The following ANKFN1 variants were observed in gnomAD, a reference collection of about 807,000 sequenced individuals.
The protein encoded by ANKFN1 is ankyrin repeat and fibronectin type-III domain-containing protein 1.
ANKFN1 carries 74 observed loss-of-function variants against 108.7 expected under a neutral mutation model. The ratio of observed to expected loss-of-function variants is 0.68; its 90% CI spans 0.56 to 0.83. The LOEUF (loss-of-function observed/expected upper bound fraction) is 0.83, where lower values mean the gene tolerates loss of function less well. Among genes scored for constraint, ANKFN1 ranks in the 40% least tolerant of loss-of-function variants. The probability of loss-of-function intolerance (pLI) is 0.00; values close to 1 mark genes in which losing one functional copy is unlikely to be tolerated. For missense variants in ANKFN1, 1,505 were observed against 1,382.3 expected (o/e 1.09, Z -1.41); for synonymous variants, 547 against 516.2 (o/e 1.06, Z -0.81).
intron 1 of ANKFN1, among the ~76,000 whole-genome samples, chr17:56,186,910 C>T (rs1912265033): frequency 6.6e-6 from 1 of 152,166 alleles, no homozygotes; most frequent in Non-Finnish European, 1.5e-5. Flanking sequence ...GGATCTCTTC[C>T]TTACACCTTA....
chr17:56,303,535 T>C (rs572415173), intron 3 of ANKFN1, among the ~76,000 whole-genome samples: 1 of 152,196 alleles, frequency 6.6e-6, no homozygotes, highest in African/African-American at 2.4e-5. Context: ...TAATGGGAGG[T>C]ATGTTAAAGG....
chr17:56,253,192 C>T (rs2043277598), intron 3 of ANKFN1, among the ~76,000 whole-genome samples: 1 of 152,144 alleles, frequency 6.6e-6, no homozygotes, highest in Non-Finnish European at 1.5e-5. Context: ...AATGGGCTAC[C>T]AATTAATGCT....
At chr17:56,430,594 A>T (rs2048723822) in intron 8 of ANKFN1, among the ~76,000 whole-genome samples, 1 of 151,678 alleles carries the variant, frequency 6.6e-6, no homozygotes, top group Non-Finnish European at 1.5e-5. Flanking sequence ...TAATCATTTC[A>T]CTATGTATAT....
chr17:56,299,360 G>T (rs1325687043), intron 3 of ANKFN1, among the ~76,000 whole-genome samples: 1 of 152,044 alleles, frequency 6.6e-6, no homozygotes, highest in Admixed American at 6.6e-5. Context: ...TCCCCAGCAG[G>T]AAGGACTCTG....
At chr17:56,292,739 C>A (rs1003927898) in intron 3 of ANKFN1, among the ~76,000 whole-genome samples, 2 of 152,092 alleles carry the variant, frequency 1.3e-5, no homozygotes, top group East Asian at 3.9e-4. Context: ...GAAAAAAAAA[C>A]CACTGCCATC....
intron 4 of ANKFN1, among the ~76,000 whole-genome samples, chr17:56,060,334 A>T (rs1904951279): frequency 6.6e-6 from 1 of 152,152 alleles, no homozygotes; most frequent in African/African-American, 2.4e-5. Flanking sequence ...TTTGGGGCTG[A>T]GATTATAAGG....
chr17:56,228,531 A>G (rs1175608077), intron 3 of ANKFN1: 1 of 152,032 alleles, frequency 6.6e-6, no homozygotes, highest in Non-Finnish European at 1.5e-5. Flanking sequence ...ATTTTAGCAG[A>G]TCTGAACTGG....
Position 56,325,028 on chromosome 17 carries a change from A to G in ANKFN1, c.54-1193A>G, listed in dbSNP as rs181425499. ...ATTCTAAGCAATTACCAGGCCAAAGATTAACTCTCCACCCTCTTGTTTATG... is the reference window on the plus strand; with the variant it reads ...ATTCTAAGCAATTACCAGGCCAAAGGTTAACTCTCCACCCTCTTGTTTATG... On this transcript the variant is annotated intron_variant, in intron 3 of 20. Coordinates refer to ENST00000682825, the MANE Select transcript of ANKFN1 (RefSeq NM_001370326.1). Among the ~76,000 whole-genome samples, 287 of 152,286 alleles carry G rather than the reference A, an allele frequency of 1.9e-3. 2 individuals carry two copies. The highest frequency in any genetic ancestry group is 3.3e-3 in the Admixed American group (51 of 15,298).
intron 10 of ANKFN1, among the ~76,000 whole-genome samples, chr17:56,445,693 T>C (rs2049264800): frequency 1.3e-5 from 2 of 152,202 alleles, no homozygotes; most frequent in Non-Finnish European, 1.5e-5. Flanking sequence ...GGAAATTTGG[T>C]AATATGTTCC....
chr17:56,359,555 C>T (rs2046460006), intron 6 of ANKFN1, among the ~76,000 whole-genome samples: 1 of 152,114 alleles, frequency 6.6e-6, no homozygotes, highest in African/African-American at 2.4e-5. Flanking sequence ...CAGATGCTGC[C>T]TGTGGAACTA....
intron 1 of ANKFN1, among the ~76,000 whole-genome samples, chr17:56,208,810 G>A (rs1914736029): frequency 6.6e-6 from 1 of 152,152 alleles, no homozygotes; most frequent in South Asian, 2.1e-4. Flanking sequence ...TTTCGGGACA[G>A]AGGTCTCCTT....
chr17:56,430,500 CCA>C (rs60148599), intron 8 of ANKFN1, among the ~76,000 whole-genome samples: 9,609 of 144,050 alleles, frequency 0.067, 590 homozygotes, highest in African/African-American at 0.17. Context: ...GATGCTTTTA[CCA>C]CACACACACA....
At chr17:56,374,552 G>C in intron 7 of ANKFN1, 49 bp from the exon 8 acceptor site, 1 of 1,388,690 alleles carries the variant, frequency 7.2e-7, no homozygotes, top group Admixed American at 1.8e-5. Flanking sequence ...AACGTTGTTT[G>C]AAAAGGATTT....
At chr17:56,141,015 G>T (rs1044557569) in intron 4 of ANKFN1, among the ~76,000 whole-genome samples, 1 of 152,150 alleles carries the variant, frequency 6.6e-6, no homozygotes, top group African/African-American at 2.4e-5. Context: ...TGCACGTAAT[G>T]ATTTAAGCAT....
intron 4 of ANKFN1, among the ~76,000 whole-genome samples, chr17:56,092,749 G>A (rs892898173): frequency 4.0e-5 from 6 of 150,978 alleles, no homozygotes; most frequent in Admixed American, 4.0e-4. Context: ...GAGGGTCTGG[G>A]GGAGAATCTG....
chr17:56,466,514 G>T lies in ANKFN1; in HGVS notation c.1716G>T (p.Lys572Asn), dbSNP rs373170062. Reference protein sequence around the residue: ...MQISKLQSQRKSLSTPEEPTA... With the variant: ...MQISKLQSQRNSLSTPEEPTA... ...TCTCAAAGCTGCAAAGCCAGAGAAA[G>T]TCTCTATCAACACCTGAGGAGCCAA... is the stretch of plus-strand genomic sequence containing the variant. The change falls in exon 15 of 21, where the codon AAG (lysine) becomes AAT (asparagine). Residue 572 changes from lysine to asparagine, a missense_variant. By Grantham distance (94) the Lys-to-Asn change is moderately conservative. Transcript: ENST00000682825. 6.8e-6 allele frequency: 11 copies of T among 1,613,898 alleles called. No homozygotes were observed. Among genetic ancestry groups the T allele is most frequent in the Non-Finnish European group, 9.3e-6 (11 of 1,179,986 alleles).
chr17:56,137,636 C>T (rs1374987744), intron 4 of ANKFN1, among the ~76,000 whole-genome samples: 2 of 151,900 alleles, frequency 1.3e-5, no homozygotes, highest in East Asian at 3.9e-4. Flanking sequence ...TAAAAACCTA[C>T]CGATCGGAGA....
chr17:56,239,990 A>G (rs1009865631), intron 3 of ANKFN1, among the ~76,000 whole-genome samples: 1 of 152,186 alleles, frequency 6.6e-6, no homozygotes, highest in Non-Finnish European at 1.5e-5. Context: ...TTTCATTAAA[A>G]AGAAGAAGCA....
At chr17:56,105,887 G>A (rs1364915594) in intron 4 of ANKFN1, among the ~76,000 whole-genome samples, 1 of 152,018 alleles carries the variant, frequency 6.6e-6, no homozygotes, top group East Asian at 1.9e-4. Flanking sequence ...TGAGAGGATA[G>A]TGGTGGTGTT....
Sources: allele counts gnomAD v4.1 joint callset (sites outside exome capture counted in the v4.1 genomes callset), GRCh38; gene constraint gnomAD v4.1.1; transcripts MANE v1.5; gene names NCBI Gene and HGNC (gene_info 2026-07-23, HGNC 2026-07-21).